The following PRKCH variants were observed in gnomAD, a reference collection of about 807,000 sequenced individuals.
PRKCH encodes protein kinase C eta type.
In PRKCH, 28 loss-of-function variants were observed where a neutral mutation model predicts 82.5. The observed-to-expected ratio is 0.34, with a 90% confidence interval of 0.25 to 0.47. The LOEUF (loss-of-function observed/expected upper bound fraction) is 0.47, where lower values mean the gene tolerates loss of function less well. Ranked by LOEUF, PRKCH falls within the 20% of genes least tolerant of loss-of-function variation. The pLI, the probability that PRKCH is intolerant of heterozygous loss-of-function variation, is 1.00. For synonymous variants in PRKCH, 322 were observed against 327.4 expected (o/e 0.98, Z 0.18); for missense variants, 705 against 881.8 (o/e 0.80, Z 2.54).
chr14:61,282,270 CTT>C lies in PRKCH; in HGVS notation c.-19+94619_-19+94620del, dbSNP rs10719485. Among the ~76,000 whole-genome samples the C allele has an allele frequency of 8.4e-3, 1,080 of 129,280 alleles. 8 individuals carry two copies. Among genetic ancestry groups the C allele is most frequent in the African/African-American group, 0.019 (702 of 36,742 alleles). The allele number at this position is 129,280 out of a possible 152,430, so 84.8% of individuals were successfully genotyped here. ...CTCCCTATGTTGCCTGGGATTCTGG[CTT>C]TTTTTTTTTTTTTTTTAAATCTAGG... On this transcript the variant is annotated intron_variant, in intron 1 of 3. Coordinates refer to the PRKCH transcript ENST00000555185.
At chr14:61,404,600 T>C (rs1305934025) in intron 2 of PRKCH, among the ~76,000 whole-genome samples, 1 of 152,144 alleles carries the variant, frequency 6.6e-6, no homozygotes, top group Non-Finnish European at 1.5e-5. Context: ...GGTGTGTATG[T>C]GGAGACATAA....
intron 1 of PRKCH, among the ~76,000 whole-genome samples, chr14:61,337,252 T>G (rs904410908): frequency 1.3e-5 from 2 of 151,176 alleles, no homozygotes; most frequent in African/African-American, 2.4e-5. Context: ...CAAGTGATCC[T>G]CCTGCCTCAG....
At chr14:61,313,540 C>T (rs1196665662) in intron 1 of PRKCH, among the ~76,000 whole-genome samples, 13 of 152,062 alleles carry the variant, frequency 8.5e-5, no homozygotes, top group Non-Finnish European at 2.9e-5. Context: ...CGGTGATCAG[C>T]CTCAACCTCC....
intron 2 of PRKCH, among the ~76,000 whole-genome samples, chr14:61,440,704 T>G (rs960791540): frequency 6.6e-6 from 1 of 152,046 alleles, no homozygotes; most frequent in Non-Finnish European, 1.5e-5. Context: ...TGAAACCCTG[T>G]CTCTACTAAA....
intron 9 of PRKCH, among the ~76,000 whole-genome samples, chr14:61,472,553 A>G (rs897254067): frequency 2.0e-5 from 3 of 152,124 alleles, no homozygotes; most frequent in African/African-American, 7.2e-5. Context: ...TTTGTTTCCC[A>G]TACATGGAAA....
In PRKCH at chr14:61,280,953, GT is replaced by G; in HGVS notation, c.-19+93286del. On this transcript the variant is annotated intron_variant, in intron 1 of 3. Transcript: ENST00000555185. This position sits in a 1 kb window ranked among gnomAD's most constrained non-coding sequence, Gnocchi z 5.0. ...CGGTGCCCGGGTCGCCTGTATAGTC[GT>G]ACTCCAGCTCCTTGATGCCGTTGGA... 6.5e-7 allele frequency: 1 copy of G among 1,543,228 alleles called. No homozygotes were observed. The highest frequency in any genetic ancestry group is 8.7e-7 in the Non-Finnish European group (1 of 1,147,822).
intron 3 of PRKCH, among the ~76,000 whole-genome samples, chr14:61,444,130 A>G (rs1884102924): frequency 6.6e-6 from 1 of 152,222 alleles, no homozygotes; most frequent in South Asian, 2.1e-4. Context: ...TATATCTTCA[A>G]CAGTCAGAAC....
Position 61,322,094 on chromosome 14 carries a change from G to A in PRKCH, c.-8G>A. ...GCGGCCCCCCGGGGCCGGGGCAGCG[G>A]CGCCGGCATGTCGTCTGGCACCATG... On this transcript the variant is annotated 5_prime_UTR_variant, in exon 1 of 14. Coordinates refer to ENST00000332981, the MANE Select transcript of PRKCH (RefSeq NM_006255.5). 3 of 1,536,818 alleles carry A rather than the reference G, an allele frequency of 2.0e-6. No homozygotes were observed. The highest frequency in any genetic ancestry group is 2.6e-6 in the Non-Finnish European group (3 of 1,136,026).
At chr14:61,388,497 C>T (rs372460002) in intron 1 of PRKCH, among the ~76,000 whole-genome samples, 5 of 152,246 alleles carry the variant, frequency 3.3e-5, no homozygotes, top group African/African-American at 7.2e-5. Context: ...AGGGAGTTTA[C>T]GGGCTGGCTG....
intron 1 of PRKCH, among the ~76,000 whole-genome samples, chr14:61,276,631 C>G (rs2045204937): frequency 1.3e-5 from 2 of 151,826 alleles, no homozygotes; most frequent in East Asian, 3.9e-4. Flanking sequence ...GCTGGGATTA[C>G]AGGCATGAGC....
At chr14:61,220,437 G>T (rs2044646886) in intron 1 of PRKCH, among the ~76,000 whole-genome samples, 1 of 152,224 alleles carries the variant, frequency 6.6e-6, no homozygotes, top group Non-Finnish European at 1.5e-5. Flanking sequence ...GGCATTTGAG[G>T]ATTAAAGAGA....
chr14:61,280,320 G>A lies in PRKCH; in HGVS notation c.-19+92652G>A. On this transcript the variant is annotated intron_variant, in intron 1 of 3. Transcript: ENST00000555185. This position sits in a 1 kb window ranked among gnomAD's most constrained non-coding sequence, Gnocchi z 5.0. ...CGCGGTAGGCGCCCCGCGGCAGCCCGGCCGAGTAGTTGCCCTGGCGGATGC... is the reference window on the plus strand; with the variant it reads ...CGCGGTAGGCGCCCCGCGGCAGCCCAGCCGAGTAGTTGCCCTGGCGGATGC... 6.2e-7 allele frequency: 1 copy of A among 1,613,874 alleles called. No individual in the cohort carries two copies. The highest frequency in any genetic ancestry group is 8.5e-7 in the Non-Finnish European group (1 of 1,179,958).
intron 1 of PRKCH, among the ~76,000 whole-genome samples, chr14:61,383,106 C>T (rs752048170): frequency 4.6e-5 from 7 of 152,090 alleles, no homozygotes; most frequent in African/African-American, 1.2e-4. Flanking sequence ...GCTGGGGATC[C>T]GGTGGGTACA....
chr14:61,217,330 C>T (rs1253056094), intron 1 of PRKCH, among the ~76,000 whole-genome samples: 1 of 152,062 alleles, frequency 6.6e-6, no homozygotes, highest in Non-Finnish European at 1.5e-5. Context: ...GAGGTTGAGG[C>T]TGCAGTGAGA....
intron 1 of PRKCH, among the ~76,000 whole-genome samples, chr14:61,301,010 A>G (rs1274137690): frequency 1.3e-5 from 2 of 152,188 alleles, no homozygotes; most frequent in Admixed American, 1.3e-4. Context: ...TCCTCAAGCC[A>G]GTCTATAAAA....
intron 10 of PRKCH, among the ~76,000 whole-genome samples, chr14:61,493,255 C>G (rs527271715): frequency 1.5e-4 from 23 of 152,294 alleles, no homozygotes; most frequent in African/African-American, 5.3e-4. Context: ...CATGGAAGCT[C>G]CGTGGAGTCA....
At chr14:61,193,565 A>T (rs150395087) in intron 1 of PRKCH, among the ~76,000 whole-genome samples, 1 of 152,312 alleles carries the variant, frequency 6.6e-6, no homozygotes, top group Admixed American at 6.5e-5. Flanking sequence ...ATCAAAACCT[A>T]GAATATGAAA....
At chr14:61,518,768 A>T (rs557738923) in intron 10 of PRKCH, among the ~76,000 whole-genome samples, 1 of 152,166 alleles carries the variant, frequency 6.6e-6, no homozygotes, top group Non-Finnish European at 1.5e-5. Context: ...CACCTAGTCT[A>T]TGGGAATTAG....
intron 1 of PRKCH, among the ~76,000 whole-genome samples, chr14:61,359,569 C>G (rs1405308587): frequency 6.6e-6 from 1 of 152,114 alleles, no homozygotes; most frequent in East Asian, 1.9e-4. Context: ...AACTATTTTC[C>G]ATCGATCTGG....
Sources: gnomAD v4.1 joint callset for allele counts (sites outside exome capture counted in the v4.1 genomes callset) on GRCh38, gnomAD v4.1.1 for gene constraint, Gnocchi (gnomAD v3.1) non-coding constraint, MANE v1.5 for transcripts, NCBI Gene and HGNC (gene_info 2026-07-23, HGNC 2026-07-21) for gene names.